The following ZC2HC1B variants were observed in gnomAD, a reference collection of about 807,000 sequenced individuals.
The protein encoded by ZC2HC1B is zinc finger C2HC domain-containing protein 1B.
A neutral mutation model predicts 31.0 loss-of-function variants in ZC2HC1B; 36 were observed. The ratio of observed to expected loss-of-function variants is 1.16; its 90% confidence interval spans 0.89 to 1.54. The LOEUF is 1.54. Ranked by LOEUF, ZC2HC1B falls within the 40% of genes most tolerant of loss-of-function variation. The pLI is 0.00. For missense variants in ZC2HC1B, 260 were observed against 268.6 expected (o/e 0.97, Z 0.22); for synonymous variants, 73 against 88.0 (o/e 0.83, Z 0.95).
intron 4 of ZC2HC1B, among the ~76,000 whole-genome samples, chr6:143,897,860 G>A (rs1415952193): frequency 6.6e-6 from 1 of 152,144 alleles, no homozygotes; most frequent in East Asian, 1.9e-4. Flanking sequence ...TACAACCTAT[G>A]CTTTTGAATA....
Position 143,886,040 on chromosome 6 carries a change from T to C in ZC2HC1B, c.99T>C (p.His33=), listed in dbSNP as rs1777527423. 3 of 1,531,842 alleles carry C rather than the reference T, an allele frequency of 2.0e-6. No homozygotes were observed. The highest frequency in any genetic ancestry group is 2.6e-6 in the Non-Finnish European group (3 of 1,141,196). The allele number at this position is 1,531,842 out of a possible 1,614,324, so 94.9% of individuals were successfully genotyped here. ...TACTCTTCGTTTTCTAGGAAAGGCA[T>C]GGACCAATATGTAAGAAACTCTTCA... ...RRFAADVLER[H]GPICKKLFNR... Residue 33 remains histidine (H), a synonymous_variant, in exon 3 of 8, where the codon CAT becomes CAC. Coordinates refer to ENST00000237275, the MANE Select transcript of ZC2HC1B (RefSeq NM_001013623.3). This position sits in a 1 kb window ranked among gnomAD's most constrained non-coding sequence, Gnocchi z 4.2.
rs545594968 is a variant in ZC2HC1B at position 143,872,784 on chromosome 6, G to A, written c.28+8217G>A. 4.6e-5 allele frequency among the ~76,000 whole-genome samples: 7 copies of A among 152,120 alleles called. No homozygotes were observed. Among genetic ancestry groups the A allele is most frequent in the Non-Finnish European group, 1.0e-4 (7 of 68,014 alleles). On this transcript the variant is annotated intron_variant, in intron 1 of 7. Coordinates refer to ENST00000237275, the MANE Select transcript of ZC2HC1B (RefSeq NM_001013623.3). This position sits in a 1 kb window ranked among gnomAD's most constrained non-coding sequence, Gnocchi z 5.5. Reference sequence around the variant, plus strand: ...AGACTCAATCACTATCATAAGAATAGCATGGGAAAGACCGGCCCCCATTTA... The same window carrying A: ...AGACTCAATCACTATCATAAGAATAACATGGGAAAGACCGGCCCCCATTTA...
chr6:143,926,157 G>A (rs962998938), intron 6 of ZC2HC1B, among the ~76,000 whole-genome samples: 12 of 151,464 alleles, frequency 7.9e-5, no homozygotes, highest in South Asian at 2.1e-4. Context: ...CTTTCCTTCC[G>A]CTAATTTTGG....
In ZC2HC1B at chr6:143,895,077, A is replaced by T. The variant is rs548900683; in HGVS notation, c.350-3475A>T. Among the ~76,000 whole-genome samples, 3 of 152,306 alleles carry T rather than the reference A, an allele frequency of 2.0e-5. No individual in the cohort carries two copies. The highest frequency in any genetic ancestry group is 4.8e-5 in the African/African-American group (2 of 41,570). The stretch of plus-strand genomic sequence containing the variant: ...TATATGCACTCCCAACATTTTCACC[A>T]CGGTTTGATGATTTTGTTTGTGCAA... On this transcript the variant is annotated intron_variant, in intron 4 of 7. Coordinates refer to ENST00000237275, the MANE Select transcript of ZC2HC1B (RefSeq NM_001013623.3). This position sits in a 1 kb window ranked among gnomAD's most constrained non-coding sequence, Gnocchi z 4.8.
chr6:143,927,163 T>A (rs1216353210), intron 6 of ZC2HC1B, among the ~76,000 whole-genome samples: 2 of 152,100 alleles, frequency 1.3e-5, no homozygotes, highest in African/African-American at 2.4e-5. Context: ...TATTTATTTA[T>A]AATAGATTTA....
At chr6:143,919,843 T>C (rs1321100388) in intron 6 of ZC2HC1B, among the ~76,000 whole-genome samples, 1 of 152,132 alleles carries the variant, frequency 6.6e-6, no homozygotes, top group African/African-American at 2.4e-5. Context: ...CCAAAATAGT[T>C]ATATGGGACA....
rs533113953 is a variant in ZC2HC1B at position 143,918,919 on chromosome 6, T to G, written c.598+15767T>G. On this transcript the variant is annotated intron_variant, in intron 6 of 7. Coordinates refer to ENST00000237275, the MANE Select transcript of ZC2HC1B (RefSeq NM_001013623.3). This position sits in a 1 kb window ranked among gnomAD's most constrained non-coding sequence, Gnocchi z 4.1. ...ATTTGGTTTCTTTTCAGGATTTATC[T>G]TCGTGGATATTTCCATTTTGTTCAT... 1.3e-5 allele frequency among the ~76,000 whole-genome samples: 2 copies of G among 152,316 alleles called. No individual in the cohort carries two copies. Among genetic ancestry groups the G allele is most frequent in the African/African-American group, 4.8e-5 (2 of 41,592 alleles).
chr6:143,892,297 CTT>C (rs35514285), intron 4 of ZC2HC1B, among the ~76,000 whole-genome samples: 9 of 135,136 alleles, frequency 6.7e-5, no homozygotes, highest in African/African-American at 1.6e-4. Flanking sequence ...GTGACAGGCT[CTT>C]TTTTTTTTTT....
rs1777494489 is a variant in ZC2HC1B at position 143,883,524 on chromosome 6, C to T, written c.29-780C>T. Among the ~76,000 whole-genome samples, 1 of 151,888 alleles carries T rather than the reference C, an allele frequency of 6.6e-6. No individual in the cohort carries two copies. Among genetic ancestry groups the T allele is most frequent in the East Asian group, 1.9e-4 (1 of 5,202 alleles). On this transcript the variant is annotated intron_variant, in intron 1 of 7. Transcript: ENST00000237275. This position sits in a 1 kb window ranked among gnomAD's most constrained non-coding sequence, Gnocchi z 4.1. ...ACTGGTCTAATATAAAGTCTATGCTCAGACCTCAAACTGCTTTTTTTATTA... is the reference window on the plus strand; with the variant it reads ...ACTGGTCTAATATAAAGTCTATGCTTAGACCTCAAACTGCTTTTTTTATTA...
At chr6:143,896,225 G>A (rs997892919) in intron 4 of ZC2HC1B, among the ~76,000 whole-genome samples, 2 of 152,154 alleles carry the variant, frequency 1.3e-5, no homozygotes, top group African/African-American at 4.8e-5. Flanking sequence ...TTCATTGGCA[G>A]GGAAATAGAC....
chr6:143,922,506 A>G lies in ZC2HC1B; in HGVS notation c.599-15143A>G, dbSNP rs1777994670. ...CACATACCCTTCCCGTCCTCTAGTAACTATCATTCTATTCCCTACATCACT... is the reference window on the plus strand; with the variant it reads ...CACATACCCTTCCCGTCCTCTAGTAGCTATCATTCTATTCCCTACATCACT... On this transcript the variant is annotated intron_variant, in intron 6 of 7. Coordinates refer to ENST00000237275, the MANE Select transcript of ZC2HC1B (RefSeq NM_001013623.3). This position sits in a 1 kb window ranked among gnomAD's most constrained non-coding sequence, Gnocchi z 5.0. 6.6e-6 allele frequency among the ~76,000 whole-genome samples: 1 copy of G among 152,144 alleles called. No homozygotes were observed. The highest frequency in any genetic ancestry group is 1.5e-5 in the Non-Finnish European group (1 of 68,008).
rs2128496025 is a variant in ZC2HC1B at position 143,911,234 on chromosome 6, T to A, written c.598+8082T>A. Among the ~76,000 whole-genome samples the A allele has an allele frequency of 6.6e-6, 1 of 152,338 alleles. No homozygotes were observed. The highest frequency in any genetic ancestry group is 1.9e-4 in the East Asian group (1 of 5,182). On this transcript the variant is annotated intron_variant, in intron 6 of 7. Transcript: ENST00000237275. This position sits in a 1 kb window ranked among gnomAD's most constrained non-coding sequence, Gnocchi z 4.5. Reference sequence around the variant, plus strand: ...GATGGGTCCTGGTTCTTTATCCAGTTTGCTGCTCTATATCTTTTAATTGGG... The same window carrying A: ...GATGGGTCCTGGTTCTTTATCCAGTATGCTGCTCTATATCTTTTAATTGGG...
rs189706560 is a variant in ZC2HC1B, at chr6:143,873,447, C to T, written c.28+8880C>T. 2.0e-3 allele frequency among the ~76,000 whole-genome samples: 306 copies of T among 152,340 alleles called. 5 individuals carry two copies. The highest frequency in any genetic ancestry group is 2.9e-3 in the South Asian group (14 of 4,832). On this transcript the variant is annotated intron_variant, in intron 1 of 7. Coordinates refer to ENST00000237275, the MANE Select transcript of ZC2HC1B (RefSeq NM_001013623.3). ...GTCTGGAGGACAGTGGCCCTCTTCT[C>T]ACAGCTCCACCAGGGACTCTGTGTG...
At position 143,884,615 on chromosome 6, in the gene ZC2HC1B, A is replaced by G. The variant is rs1777508473; in HGVS notation, c.90+250A>G. 6.6e-6 allele frequency among the ~76,000 whole-genome samples: 1 copy of G among 152,212 alleles called. No homozygotes were observed. The highest frequency in any genetic ancestry group is 6.5e-5 in the Admixed American group (1 of 15,280). On this transcript the variant is annotated intron_variant, in intron 2 of 7. Transcript: ENST00000237275. This position sits in a 1 kb window ranked among gnomAD's most constrained non-coding sequence, Gnocchi z 5.1. ...AGATGGAAGTCTCTTGGCATCGTCA[A>G]TGATCCCTCAAGAGGTTTTGGCTCT...
In ZC2HC1B at chr6:143,918,428, C is replaced by T. The variant is rs142171317; in HGVS notation, c.598+15276C>T. On this transcript the variant is annotated intron_variant, in intron 6 of 7. Coordinates refer to ENST00000237275, the MANE Select transcript of ZC2HC1B (RefSeq NM_001013623.3). The surrounding 1 kb of genome is among the most constrained non-coding windows in gnomAD (Gnocchi z 4.1). ...TCCATGGTTTCTGATGAGAAGTCTG[C>T]TGATCTTATTGAACATTCCTGGTTT... is the stretch of plus-strand genomic sequence containing the variant. 1.2e-3 allele frequency among the ~76,000 whole-genome samples: 187 copies of T among 152,286 alleles called. 2 individuals are homozygous for T. In the South Asian group the frequency reaches 0.014, roughly 11 times the overall value.
intron 5 of ZC2HC1B, among the ~76,000 whole-genome samples, chr6:143,901,473 T>C (rs1777738273): frequency 6.6e-6 from 1 of 151,864 alleles, no homozygotes; most frequent in Non-Finnish European, 1.5e-5. Flanking sequence ...TTGGCCAGGC[T>C]GGTCTCGAAC....
intron 4 of ZC2HC1B, among the ~76,000 whole-genome samples, chr6:143,890,297 C>A (rs1398566323): frequency 6.6e-6 from 1 of 151,220 alleles, no homozygotes; most frequent in Non-Finnish European, 1.5e-5. Flanking sequence ...ATGATGTAAT[C>A]CATCAAATTA....
intron 1 of ZC2HC1B, among the ~76,000 whole-genome samples, chr6:143,866,468 A>G (rs1466846675): frequency 6.6e-6 from 1 of 152,218 alleles, no homozygotes; most frequent in Non-Finnish European, 1.5e-5. Context: ...ACCACTTTCT[A>G]CTGAATACAT....
Position 143,938,325 on chromosome 6 carries a change from T to G in ZC2HC1B, c.*198T>G, listed in dbSNP as rs1211379973. ...CTTTGAAGTTTTCAAAACAAAAGCA[T>G]TAAACACATCAACCTGTATAATGCA... is the stretch of plus-strand genomic sequence containing the variant. On this transcript the variant is annotated 3_prime_UTR_variant, in exon 8 of 8. Coordinates refer to ENST00000237275, the MANE Select transcript of ZC2HC1B (RefSeq NM_001013623.3). The surrounding 1 kb of genome is among the most constrained non-coding windows in gnomAD (Gnocchi z 4.2). 1 of 152,290 alleles carries G rather than the reference T, an allele frequency of 6.6e-6. No individual in the cohort carries two copies. Among genetic ancestry groups the G allele is most frequent in the African/African-American group, 2.4e-5 (1 of 41,478 alleles). 9.4% of individuals were successfully genotyped at this position (152,290 alleles called of 1,614,324 possible). A position where few individuals can be genotyped will look rare whatever the true frequency, so the allele number is the denominator to read the frequency against.
Sources: gnomAD v4.1 joint callset for allele counts (sites outside exome capture counted in the v4.1 genomes callset) on GRCh38, gnomAD v4.1.1 for gene constraint, Gnocchi (gnomAD v3.1) non-coding constraint, MANE v1.5 for transcripts, NCBI Gene and HGNC (gene_info 2026-07-23, HGNC 2026-07-21) for gene names.